WDR44: variants seen among roughly 807,000 people sequenced by gnomAD.
The protein encoded by WDR44 is WD repeat-containing protein 44.
A neutral mutation model predicts 65.7 loss-of-function variants in WDR44; 9 were observed. The ratio of observed to expected loss-of-function variants is 0.14; its 90% confidence interval spans 0.08 to 0.24. The LOEUF is 0.24. WDR44 is among the 10% of genes least tolerant of loss of function. The pLI is 1.00. For missense variants in WDR44, 425 were observed against 670.9 expected, an observed-to-expected ratio of 0.63 and a Z score of 4.05; for synonymous variants, 220 against 235.2, an observed-to-expected ratio of 0.94 and a Z score of 0.59.
chrX:118,444,521 T>C, intron 19 of WDR44, 27 bp downstream of exon 19: 1 of 1,203,276 alleles, frequency 8.3e-7, no homozygotes, highest in Non-Finnish European at 1.1e-6. Context: ...CCTATATTTT[T>C]TTCTAGTCAG....
At chrX:118,415,840 T>C (rs1228926437) in intron 12 of WDR44, among the ~76,000 whole-genome samples, 1 of 111,814 alleles carries the variant, frequency 8.9e-6, no homozygotes, top group Non-Finnish European at 1.9e-5. Flanking sequence ...AATTTTTAAA[T>C]TACCATTTCA....
Position 118,407,629 on chromosome X carries a change from T to A in WDR44, c.1533+603T>A, listed in dbSNP as rs946960394. 3.6e-5 allele frequency among the ~76,000 whole-genome samples: 4 copies of A among 111,516 alleles called. No individual in the cohort carries two copies. The Admixed American group carries it at 3.8e-4, about 11-fold the overall frequency. ...GATTAGAGGGTGTAACTTTGAAAAATGTTTAAAATGCTCCCAACCATATTT... is the reference window on the plus strand; with the variant it reads ...GATTAGAGGGTGTAACTTTGAAAAAAGTTTAAAATGCTCCCAACCATATTT... On this transcript the variant is annotated intron_variant, in intron 10 of 19. Transcript: ENST00000254029.
At chrX:118,369,645 T>A (rs1365646723) in intron 1 of WDR44, among the ~76,000 whole-genome samples, 1 of 107,637 alleles carries the variant, frequency 9.3e-6, no homozygotes, top group East Asian at 2.9e-4. Flanking sequence ...ATTTTTTGTA[T>A]TTTTAGTAGA....
intron 6 of WDR44, among the ~76,000 whole-genome samples, chrX:118,396,157 T>C (rs2056864288): frequency 8.9e-6 from 1 of 112,192 alleles, no homozygotes; most frequent in African/African-American, 3.2e-5. Flanking sequence ...AGCCAACTTA[T>C]TCAGAATTAA....
chrX:118,364,570 C>G (rs1168890722), intron 1 of WDR44, among the ~76,000 whole-genome samples: 1 of 112,216 alleles, frequency 8.9e-6, no homozygotes, highest in African/African-American at 3.2e-5. Context: ...ATTTCAATGC[C>G]TGAAAGTGCC....
At chrX:118,425,215 A>G (rs2057145596) in intron 12 of WDR44, among the ~76,000 whole-genome samples, 1 of 112,098 alleles carries the variant, frequency 8.9e-6, no homozygotes, top group Non-Finnish European at 1.9e-5. Flanking sequence ...CGATGCGGGG[A>G]TCAGAACATA....
chrX:118,369,468 G>GA lies in WDR44; in HGVS notation c.78-8951_78-8950insA, dbSNP rs1352872033. 7.3e-4 allele frequency among the ~76,000 whole-genome samples: 64 copies of GA among 87,847 alleles called. 1 individual carries two copies. The highest frequency in any genetic ancestry group is 2.2e-3 in the East Asian group (5 of 2,275). The allele number at this position is 87,847 out of a possible 115,157, so 76.3% of individuals were successfully genotyped here. A position where few individuals can be genotyped will look rare whatever the true frequency, so the allele number is the denominator to read the frequency against. ...TTACAGGTGTGAGCCACCACGCCCG[G>GA]CCTTTTTTTTTTTTTTTTTGAAATG... On this transcript the variant is annotated intron_variant, in intron 1 of 19. Coordinates refer to ENST00000254029, the MANE Select transcript of WDR44 (RefSeq NM_019045.5).
rs751258482 is a variant in WDR44, at chrX:118,393,282, A to G, written c.826+11A>G. On this transcript the variant is annotated intron_variant, in intron 4 of 19. Coordinates refer to ENST00000254029, the MANE Select transcript of WDR44 (RefSeq NM_019045.5). ...CTCCTGATATAGATGGCAAGTATTA[A>G]TTGAGAAATCACTCTGTTGGTTGGG... 7 of 1,174,765 alleles carry G rather than the reference A, an allele frequency of 6.0e-6. No individual in the cohort carries two copies. Among genetic ancestry groups the G allele is most frequent in the Non-Finnish European group, 4.5e-6 (4 of 882,582 alleles).
rs376971723 is a variant in WDR44, at chrX:118,390,450, G to T, written c.187-2182G>T. ...GGTGTAGAGAAAATAAATAGAGCTA[G>T]CCTATATACAGCTCTGTATTTGTAT... is the stretch of plus-strand genomic sequence containing the variant. On this transcript the variant is annotated intron_variant, in intron 3 of 19. Coordinates refer to ENST00000254029, the MANE Select transcript of WDR44 (RefSeq NM_019045.5). Among the ~76,000 whole-genome samples, 6 of 111,533 alleles carry T rather than the reference G, an allele frequency of 5.4e-5. No individual in the cohort carries two copies. In the East Asian group the frequency reaches 1.7e-3, roughly 31 times the overall value.
intron 14 of WDR44, among the ~76,000 whole-genome samples, chrX:118,440,785 A>C (rs1369463122): frequency 9.0e-6 from 1 of 111,093 alleles, no homozygotes; most frequent in Non-Finnish European, 1.9e-5. Flanking sequence ...TACACACTCA[A>C]ACACTTTATC....
chrX:118,372,824 C>G (rs2056625578), intron 1 of WDR44, among the ~76,000 whole-genome samples: 1 of 112,219 alleles, frequency 8.9e-6, no homozygotes. Context: ...TGCGGTGGCT[C>G]ACGCCTGTAA....
rs781159014 is a variant in WDR44, at chrX:118,370,653, G to A, written c.78-7766G>A. Among the ~76,000 whole-genome samples, 79 of 109,248 alleles carry A rather than the reference G, an allele frequency of 7.2e-4. 1 individual carries two copies. The highest frequency in any genetic ancestry group is 4.6e-3 in the Middle Eastern group (1 of 217). The allele number at this position is 109,248 out of a possible 115,157, so 94.9% of individuals were successfully genotyped here. On this transcript the variant is annotated intron_variant, in intron 1 of 19. Transcript: ENST00000254029. ...GGCTGGAGTGCAGTGGCGCAATGTC[G>A]GCTCACTAAAACCTCCAATTTCCTG...
At chrX:118,394,303 C>A (rs1302868779) in intron 5 of WDR44, 118 bp downstream of exon 5, 2 of 1,004,907 alleles carry the variant, frequency 2.0e-6, no homozygotes, top group African/African-American at 1.9e-5. Flanking sequence ...CCAAACCTGA[C>A]CCCCTTACTT....
Position 118,393,237 on chromosome X carries a change from G to A in WDR44, c.792G>A (p.Leu264=). The A allele has an allele frequency of 8.3e-7, 1 of 1,197,824 alleles. No homozygotes were observed. Among genetic ancestry groups the A allele is most frequent in the Non-Finnish European group, 1.1e-6 (1 of 891,773 alleles). ...CACCAAGAAAAAGGAAAAGCGAATT[G>A]GAATTTGAGACTCTGAAAACTCCTG... ...APPPRKRKSE[L]EFETLKTPDI... is the part of the protein sequence containing the mutation. Residue 264 remains leucine, a synonymous_variant, in exon 4 of 20, where the codon TTG becomes TTA. Coordinates refer to ENST00000254029, the MANE Select transcript of WDR44 (RefSeq NM_019045.5).
chrX:118,349,473 C>G, intron 1 of WDR44, among the ~76,000 whole-genome samples: 1 of 110,526 alleles, frequency 9.0e-6, no homozygotes, highest in East Asian at 2.8e-4. Flanking sequence ...CTCAGTCTCC[C>G]AGGGCGCTGG....
chrX:118,359,139 A>G (rs748687328), intron 1 of WDR44, among the ~76,000 whole-genome samples: 3 of 112,474 alleles, frequency 2.7e-5, no homozygotes, highest in Non-Finnish European at 3.8e-5. Context: ...CTGTAGCCCA[A>G]CATCTTGTTT....
intron 12 of WDR44, among the ~76,000 whole-genome samples, chrX:118,426,637 C>T (rs775243911): frequency 9.2e-6 from 1 of 109,094 alleles, no homozygotes; most frequent in South Asian, 4.0e-4. Context: ...GCCCAGGAGG[C>T]GGAGGTTACA....
intron 1 of WDR44, among the ~76,000 whole-genome samples, chrX:118,371,284 T>C (rs915633097): frequency 1.8e-5 from 2 of 111,771 alleles, no homozygotes; most frequent in Non-Finnish European, 3.8e-5. Context: ...GAATGGTAGT[T>C]TCCGGGGGTT....
At chrX:118,393,442 G>A (rs5956968) in intron 4 of WDR44, among the ~76,000 whole-genome samples, 171 bp downstream of exon 4, 47,723 of 109,815 alleles carry the variant, frequency 0.43, 10,827 homozygotes, top group African/African-American at 0.86. Flanking sequence ...AAATACAAAA[G>A]TTAGCTGGCC....
Sources: allele counts gnomAD v4.1 joint callset (sites outside exome capture counted in the v4.1 genomes callset), GRCh38; gene constraint gnomAD v4.1.1; transcripts MANE v1.5; gene names NCBI Gene and HGNC (gene_info 2026-07-23, HGNC 2026-07-21).